The following KIAA2012 variants were observed in gnomAD, a reference collection of about 807,000 sequenced individuals.
KIAA2012 encodes KIAA2012.
Under a neutral mutation model 150.6 loss-of-function variants are expected in KIAA2012, and 125 were observed. That is an observed-to-expected ratio of 0.83 (90% CI 0.72 to 0.96). KIAA2012 has a LOEUF of 0.96. Ranked by LOEUF, KIAA2012 falls within the 40% of genes least tolerant of loss-of-function variation. KIAA2012 has a pLI of 0.00. For missense variants in KIAA2012, 1,219 were observed against 1,354.9 expected (o/e 0.90, Z 1.57); for synonymous variants, 462 against 504.7 (o/e 0.92, Z 1.13).
intron 13 of KIAA2012, among the ~76,000 whole-genome samples, chr2:202,144,358 A>G (rs1035450067): frequency 5.3e-5 from 8 of 152,166 alleles, no homozygotes; most frequent in Admixed American, 1.3e-4. Context: ...TCCTAAGTGT[A>G]TCTCTTTTGG....
intron 2 of KIAA2012, among the ~76,000 whole-genome samples, chr2:202,090,424 C>T (rs1689687389): frequency 6.6e-6 from 1 of 152,268 alleles, no homozygotes; most frequent in Non-Finnish European, 1.5e-5. Flanking sequence ...TTTCCCATTA[C>T]AGTACAGAGC....
rs1690272121 is a variant in KIAA2012, at chr2:202,108,921, G to A, written c.1475-692G>A. On this transcript the variant is annotated intron_variant, in intron 9 of 23. Transcript: ENST00000498697. ...AAAGACCACTCCCTCTGAAAGAGGT[G>A]AAGCCGAGGCCTCAGTCACTTGGGT... is the stretch of plus-strand genomic sequence containing the variant. 2.6e-5 allele frequency among the ~76,000 whole-genome samples: 4 copies of A among 152,208 alleles called. No homozygotes were observed. In the South Asian group the frequency reaches 8.3e-4, roughly 32 times the overall value.
At chr2:202,184,515 C>A (rs1436184173) in intron 15 of KIAA2012, among the ~76,000 whole-genome samples, 1 of 152,058 alleles carries the variant, frequency 6.6e-6, no homozygotes, top group Non-Finnish European at 1.5e-5. Context: ...TTTTTCTGAT[C>A]ACTGATACAT....
At chr2:202,170,087 G>A (rs1216749476) in intron 15 of KIAA2012, among the ~76,000 whole-genome samples, 2 of 152,202 alleles carry the variant, frequency 1.3e-5, no homozygotes, top group Non-Finnish European at 2.9e-5. Context: ...CACCTTCACT[G>A]TGTCCTACAT....
At position 202,193,282 on chromosome 2, in the gene KIAA2012, G is replaced by A. The variant is rs1216294888; in HGVS notation, c.2812-19G>A. On this transcript the variant is annotated intron_variant, in intron 19 of 23. Coordinates refer to ENST00000498697, the MANE Select transcript of KIAA2012 (RefSeq NM_001277372.4). ...CAGACCCATCTGTTTATTGCACTGA[G>A]AACACTCTGGTTTCTTAGGCCCTCC... The A allele has an allele frequency of 6.5e-7, 1 of 1,548,092 alleles. No homozygotes were observed. Among genetic ancestry groups the A allele is most frequent in the African/African-American group, 1.4e-5 (1 of 72,988 alleles).
At chr2:202,100,781 T>C (rs1690022256) in intron 7 of KIAA2012, among the ~76,000 whole-genome samples, 1 of 152,250 alleles carries the variant, frequency 6.6e-6, no homozygotes, top group African/African-American at 2.4e-5. Context: ...TTTGAGTTTG[T>C]AAGCAGTTAA....
chr2:202,160,606 C>G lies in KIAA2012; in HGVS notation c.2047-4678C>G, dbSNP rs571026821. 2.6e-4 allele frequency among the ~76,000 whole-genome samples: 40 copies of G among 152,260 alleles called. 1 individual carries two copies. In the East Asian group the frequency reaches 7.2e-3, roughly 27 times the overall value. On this transcript the variant is annotated intron_variant, in intron 14 of 23. Coordinates refer to ENST00000498697, the MANE Select transcript of KIAA2012 (RefSeq NM_001277372.4). ...GGGATTACAGGCGTGAGCCACCACG[C>G]CCGGCCAAAATCATAGTCTTTAACA... is the stretch of plus-strand genomic sequence containing the variant.
rs773081047 is a variant in KIAA2012 at position 202,104,473 on chromosome 2, G to A, written c.1325-1288G>A. On this transcript the variant is annotated intron_variant, in intron 8 of 23. Coordinates refer to ENST00000498697, the MANE Select transcript of KIAA2012 (RefSeq NM_001277372.4). The surrounding 1 kb of genome is among the most constrained non-coding windows in gnomAD (Gnocchi z 4.3). ...CACGGGGGCGCACCAGCCTCCAGGA[G>A]GCAGAAGGCAGGGAGCACAGGCAAG... is the stretch of plus-strand genomic sequence containing the variant. Among the ~76,000 whole-genome samples, 26 of 152,188 alleles carry A rather than the reference G, an allele frequency of 1.7e-4. No individual in the cohort carries two copies. The highest frequency in any genetic ancestry group is 3.4e-4 in the Non-Finnish European group (23 of 68,032).
chr2:202,104,280 TA>T lies in KIAA2012; in HGVS notation c.1324+1174del, dbSNP rs1303163548. Reference sequence around the variant, plus strand: ...TGCCAAAAAAAATTACTCAGCTCCCTAAAAAAAATAATAATAATAAATAAAA... The same window carrying T: ...TGCCAAAAAAAATTACTCAGCTCCCTAAAAAAATAATAATAATAAATAAAA... On this transcript the variant is annotated intron_variant, in intron 8 of 23. Transcript: ENST00000498697. The surrounding 1 kb of genome is among the most constrained non-coding windows in gnomAD (Gnocchi z 4.3). Among the ~76,000 whole-genome samples the T allele has an allele frequency of 6.6e-6, 1 of 151,960 alleles. No homozygotes were observed. Among genetic ancestry groups the T allele is most frequent in the Non-Finnish European group, 1.5e-5 (1 of 67,974 alleles).
intron 10 of KIAA2012, among the ~76,000 whole-genome samples, chr2:202,111,409 C>CTGAGGCAGGAAAATCACTTGT (rs1559207911): frequency 7.0e-6 from 1 of 142,372 alleles, no homozygotes; most frequent in Non-Finnish European, 1.5e-5. Context: ...ACTCAGGAGG[C>CTGAGGCAGGAAAATCACTTGT]TGAGGCAGGA....
At chr2:202,113,594 T>C in intron 11 of KIAA2012, 148 bp downstream of exon 11, 1 of 603,472 alleles carries the variant, frequency 1.7e-6, no homozygotes, top group East Asian at 2.8e-5. Context: ...GACACAGAGG[T>C]GCTTCTGTAG....
chr2:202,161,326 G>C (rs1691650158), intron 14 of KIAA2012, among the ~76,000 whole-genome samples: 1 of 152,172 alleles, frequency 6.6e-6, no homozygotes, highest in South Asian at 2.1e-4. Context: ...ACTGCTGCCA[G>C]TGCTCTAAAT....
At chr2:202,174,147 T>G (rs934230578) in intron 15 of KIAA2012, among the ~76,000 whole-genome samples, 3 of 152,128 alleles carry the variant, frequency 2.0e-5, no homozygotes, top group African/African-American at 7.2e-5. Flanking sequence ...TTGTATTTAG[T>G]AGAGATGGAG....
chr2:202,143,520 C>T (rs1387034096), intron 13 of KIAA2012, among the ~76,000 whole-genome samples: 2 of 147,618 alleles, frequency 1.4e-5, no homozygotes, highest in African/African-American at 2.5e-5. Context: ...AACTTGAAAT[C>T]GAGGTGGATT....
At chr2:202,106,197 A>G (rs1168084365) in intron 9 of KIAA2012, among the ~76,000 whole-genome samples, 1 of 151,652 alleles carries the variant, frequency 6.6e-6, no homozygotes, top group African/African-American at 2.4e-5. Flanking sequence ...TCATCCCACT[A>G]CTAATATTTT....
chr2:202,190,706 A>G (rs1692314253), intron 19 of KIAA2012, among the ~76,000 whole-genome samples: 1 of 152,148 alleles, frequency 6.6e-6, no homozygotes, highest in Admixed American at 6.5e-5. Context: ...TGAAGTGGTG[A>G]TGCATTCTGT....
At chr2:202,177,956 T>C (rs1262658127) in intron 15 of KIAA2012, among the ~76,000 whole-genome samples, 5 of 152,210 alleles carry the variant, frequency 3.3e-5, no homozygotes, top group African/African-American at 1.2e-4. Context: ...CCCAGCACTT[T>C]GGGAGGCCAA....
At chr2:202,098,789 C>CGTGTGTGTGTGTGTGTGT (rs10536026) in intron 5 of KIAA2012, among the ~76,000 whole-genome samples, 4 of 148,412 alleles carry the variant, frequency 2.7e-5, no homozygotes, top group East Asian at 4.0e-4. Context: ...ACTCTAAGGC[C>CGTGTGTGTGTGTGTGTGT]GTGTGTGTGT....
At chr2:202,097,380 A>G (rs1689912981) in intron 4 of KIAA2012, 55 bp from the exon 5 acceptor site, 1 of 1,542,066 alleles carries the variant, frequency 6.5e-7, no homozygotes, top group African/African-American at 1.4e-5. Flanking sequence ...GGAGGCAGCA[A>G]GAACACCACG....
Sources: gnomAD v4.1 joint callset for allele counts (sites outside exome capture counted in the v4.1 genomes callset) on GRCh38, gnomAD v4.1.1 for gene constraint, Gnocchi (gnomAD v3.1) non-coding constraint, MANE v1.5 for transcripts, NCBI Gene and HGNC (gene_info 2026-07-23, HGNC 2026-07-21) for gene names.